Variants in ACOX2 observed in about 807,000 individuals in gnomAD.
ACOX2 encodes the protein peroxisomal acyl-coenzyme A oxidase 2.
In ACOX2, 59 loss-of-function variants were observed where a neutral mutation model predicts 77.5. The ratio of observed to expected loss-of-function variants is 0.76; its 90% confidence interval spans 0.62 to 0.95. The LOEUF (loss-of-function observed/expected upper bound fraction) is 0.95, where lower values mean the gene tolerates loss of function less well. Among genes scored for constraint, ACOX2 ranks in the 40% least tolerant of loss-of-function variants. The pLI is 0.00. For missense variants in ACOX2, 837 were observed against 880.4 expected (o/e 0.95, Z 0.62); for synonymous variants, 317 against 340.1 (o/e 0.93, Z 0.75).
rs755934271 is a variant in ACOX2, at chr3:58,533,960, A to C, written c.475+34T>G. The C allele has an allele frequency of 6.2e-7, 1 of 1,612,202 alleles. No homozygotes were observed. Among genetic ancestry groups the C allele is most frequent in the East Asian group, 2.2e-5 (1 of 44,856 alleles). ...GGCCCTCTGGAGTTTTGCAGTGCAC[A>C]ACCTAAACACCACACGCAGCAGTCC... On this transcript the variant is annotated intron_variant, in intron 4 of 14. Coordinates refer to ENST00000302819, the MANE Select transcript of ACOX2 (RefSeq NM_003500.4). This position sits in a 1 kb window ranked among gnomAD's most constrained non-coding sequence, Gnocchi z 5.6.
intron 13 of ACOX2, among the ~76,000 whole-genome samples, chr3:58,516,530 A>G (rs912420271): frequency 2.0e-5 from 3 of 152,232 alleles, no homozygotes; most frequent in African/African-American, 7.2e-5. Context: ...GGCCTGTCAC[A>G]TAAGTGCTCT....
In ACOX2 at chr3:58,530,494, T is replaced by C. The variant is rs776048382; in HGVS notation, c.964A>G (p.Ile322Val). The change falls in exon 8 of 15, where the codon ATC becomes GTC. Residue 322 changes from isoleucine (I) to valine (V), a missense_variant. Physicochemically the swap from Ile to Val is conservative, Grantham distance 29. Transcript: ENST00000302819. ...ACVIAMRYSVIRRQSRLRPSD... is the reference protein window; with the variant it reads ...ACVIAMRYSVVRRQSRLRPSD... The stretch of plus-strand genomic sequence containing the variant: ...GGCCGGAGCCGGGATTGGCGGCGGA[T>C]GACCGAGTAGCGCATGGCGATGACA... 6.2e-6 allele frequency: 10 copies of C among 1,614,070 alleles called. No individual in the cohort carries two copies. The highest frequency in any genetic ancestry group is 7.6e-6 in the Non-Finnish European group (9 of 1,179,994).
chr3:58,524,504 G>A lies in ACOX2; in HGVS notation c.1448C>T (p.Ala483Val). 6.2e-7 allele frequency: 1 copy of A among 1,614,204 alleles called. No homozygotes were observed. The highest frequency in any genetic ancestry group is 8.5e-7 in the Non-Finnish European group (1 of 1,180,034). Residue 483 changes from alanine to valine, a missense_variant, in exon 11 of 15, where the codon GCC becomes GTC. Physicochemically the swap from Ala to Val is moderately conservative, Grantham distance 64. Coordinates refer to ENST00000302819, the MANE Select transcript of ACOX2 (RefSeq NM_003500.4). This position sits in a 1 kb window ranked among gnomAD's most constrained non-coding sequence, Gnocchi z 5.5. ...GGCTGCCCTCTGGGCTGGACACCTGGCCAGGTCAGGTGCGGTGAGATATGC... is the reference window on the plus strand; with the variant it reads ...GGCTGCCCTCTGGGCTGGACACCTGACCAGGTCAGGTGCGGTGAGATATGC... The part of the protein sequence containing the change: ...SVAYLTAPDL[A>V]RCPAQRAADF...
rs900532936 is a variant in ACOX2, at chr3:58,524,893, A to G, written c.1347-288T>C. 4.6e-5 allele frequency among the ~76,000 whole-genome samples: 7 copies of G among 152,216 alleles called. No homozygotes were observed. Among genetic ancestry groups the G allele is most frequent in the African/African-American group, 1.2e-4 (5 of 41,454 alleles). ...TGAGCAAACAGAATTTTCCATCAGA[A>G]CACTGTGATTTTGGGATTTATAATG... On this transcript the variant is annotated intron_variant, in intron 10 of 14. Coordinates refer to ENST00000302819, the MANE Select transcript of ACOX2 (RefSeq NM_003500.4). The surrounding 1 kb of genome is among the most constrained non-coding windows in gnomAD (Gnocchi z 5.5).
chr3:58,517,617 G>A (rs375084340), intron 12 of ACOX2, among the ~76,000 whole-genome samples, 194 bp from the exon 13 acceptor site: 8 of 149,786 alleles, frequency 5.3e-5, no homozygotes, highest in Non-Finnish European at 1.2e-4. Context: ...GTGTGTTGGG[G>A]GGGGGAGCGG....
At position 58,531,491 on chromosome 3, in the gene ACOX2, G is replaced by A. The variant is rs1487106229; in HGVS notation, c.704-125C>T. The A allele has an allele frequency of 4.1e-6, 5 of 1,234,014 alleles. No individual in the cohort carries two copies. The highest frequency in any genetic ancestry group is 2.1e-4 in the Middle Eastern group (1 of 4,730). The allele number at this position is 1,234,014 out of a possible 1,614,324, so 76.4% of individuals were successfully genotyped here. A position where few individuals can be genotyped will look rare whatever the true frequency, so the allele number is the denominator to read the frequency against. ...TGGGATTATTGTACCTATTTTGCAG[G>A]TGAACAAGCTGAGGTCAGAAAGATG... On this transcript the variant is annotated intron_variant, in intron 6 of 14. Transcript: ENST00000302819. The surrounding 1 kb of genome is among the most constrained non-coding windows in gnomAD (Gnocchi z 5.8).
Position 58,530,508 on chromosome 3 carries a change from A to G in ACOX2, c.950T>C (p.Met317Thr), listed in dbSNP as rs754790768. The G allele has an allele frequency of 4.7e-5, 76 of 1,614,130 alleles. No individual in the cohort carries two copies. Among genetic ancestry groups the G allele is most frequent in the South Asian group, 2.6e-4 (24 of 91,094 alleles). The change falls in exon 8 of 15, where the codon ATG (methionine) becomes ACG (threonine). Residue 317 changes from methionine (M) to threonine (T), a missense_variant. Coordinates refer to ENST00000302819, the MANE Select transcript of ACOX2 (RefSeq NM_003500.4). Reference sequence around the variant, plus strand: ...TTGGCGGCGGATGACCGAGTAGCGCATGGCGATGACACAGGCCTTCTGCAG... The same window carrying G: ...TTGGCGGCGGATGACCGAGTAGCGCGTGGCGATGACACAGGCCTTCTGCAG... ...PILQKACVIA[M>T]RYSVIRRQSR...
Position 58,528,749 on chromosome 3 carries a change from C to G in ACOX2, c.1155+45G>C, listed in dbSNP as rs773858349. The G allele has an allele frequency of 2.6e-6, 4 of 1,560,434 alleles. No individual in the cohort carries two copies. The highest frequency in any genetic ancestry group is 2.6e-6 in the Non-Finnish European group (3 of 1,153,510). On this transcript the variant is annotated intron_variant, in intron 9 of 14. Coordinates refer to ENST00000302819, the MANE Select transcript of ACOX2 (RefSeq NM_003500.4). The surrounding 1 kb of genome is among the most constrained non-coding windows in gnomAD (Gnocchi z 5.6). ...TCCCCAGTGAGTGGAACAATCTTAG[C>G]TCCCAGCGCCTGCCAGCGCCTGCCC...
rs758724684 is a variant in ACOX2, at chr3:58,533,589, G to T, written c.476-37C>A. 6.3e-7 allele frequency: 1 copy of T among 1,599,492 alleles called. No individual in the cohort carries two copies. The highest frequency in any genetic ancestry group is 8.6e-7 in the Non-Finnish European group (1 of 1,167,074). On this transcript the variant is annotated intron_variant, in intron 4 of 14. Transcript: ENST00000302819. This position sits in a 1 kb window ranked among gnomAD's most constrained non-coding sequence, Gnocchi z 5.6. ...GGAGAGGTGTTAGACATTGGCCTGA[G>T]GTGGGGTTCTTACCTGTGAAGCTGC...
At chr3:58,518,111 G>C (rs372259343) in intron 12 of ACOX2, among the ~76,000 whole-genome samples, 2 of 122,398 alleles carry the variant, frequency 1.6e-5, no homozygotes, top group African/African-American at 6.2e-5. Flanking sequence ...GAAAAGAAAA[G>C]AAAATAGCTA....
At chr3:58,511,401 G>A (rs545125226) in intron 13 of ACOX2, 2 of 290,204 alleles carry the variant, frequency 6.9e-6, no homozygotes, top group South Asian at 3.9e-5. Flanking sequence ...GGACATTGAT[G>A]ATGGCACCTC....
At position 58,524,096 on chromosome 3, in the gene ACOX2, A is replaced by G. The variant is rs551568890; in HGVS notation, c.1526+330T>C. Reference sequence around the variant, plus strand: ...TTTATTTATTGGTATTTGCATATCAATACATTTGGAGTATTTACATATGGG... The same window carrying G: ...TTTATTTATTGGTATTTGCATATCAGTACATTTGGAGTATTTACATATGGG... On this transcript the variant is annotated intron_variant, in intron 11 of 14. Coordinates refer to ENST00000302819, the MANE Select transcript of ACOX2 (RefSeq NM_003500.4). This position sits in a 1 kb window ranked among gnomAD's most constrained non-coding sequence, Gnocchi z 5.5. 6.6e-6 allele frequency among the ~76,000 whole-genome samples: 1 copy of G among 152,360 alleles called. No individual in the cohort carries two copies. Among genetic ancestry groups the G allele is most frequent in the African/African-American group, 2.4e-5 (1 of 41,586 alleles).
In ACOX2 at chr3:58,531,707, T is replaced by A; in HGVS notation, c.689A>T (p.His230Leu). 1 of 1,614,036 alleles carries A rather than the reference T, an allele frequency of 6.2e-7. No homozygotes were observed. The highest frequency in any genetic ancestry group is 8.5e-7 in the Non-Finnish European group (1 of 1,179,984). The change falls in exon 6 of 15, where the codon CAC becomes CTC. Residue 230 changes from histidine to leucine, a missense_variant. Physicochemically the swap from His to Leu is moderately conservative, Grantham distance 99. Coordinates refer to ENST00000302819, the MANE Select transcript of ACOX2 (RefSeq NM_003500.4). This position sits in a 1 kb window ranked among gnomAD's most constrained non-coding sequence, Gnocchi z 5.8. ...FIVPIRSLQD[H>L]TPLPGIIIGD... ...TATGGGCTTACCTGGCAGTGGGGTGTGGTCCTGAAGACTCCGGATTGGCAC... is the reference window on the plus strand; with the variant it reads ...TATGGGCTTACCTGGCAGTGGGGTGAGGTCCTGAAGACTCCGGATTGGCAC...
rs981278890 is a variant in ACOX2 at position 58,519,585 on chromosome 3, C to T, written c.1633-2162G>A. On this transcript the variant is annotated intron_variant, in intron 12 of 14. Coordinates refer to ENST00000302819, the MANE Select transcript of ACOX2 (RefSeq NM_003500.4). The surrounding 1 kb of genome is among the most constrained non-coding windows in gnomAD (Gnocchi z 5.0). ...CATGGAGGTTAGGGTGGACTCATAC[C>T]TGGGGCCCAGGTCAGTGAAGGGCTG... Among the ~76,000 whole-genome samples the T allele has an allele frequency of 6.6e-6, 1 of 152,094 alleles. No homozygotes were observed. Among genetic ancestry groups the T allele is most frequent in the Non-Finnish European group, 1.5e-5 (1 of 68,020 alleles).
In ACOX2 at chr3:58,524,567, G is replaced by A. The variant is rs1469171650; in HGVS notation, c.1385C>T (p.Pro462Leu). 6.2e-7 allele frequency: 1 copy of A among 1,614,022 alleles called. No homozygotes were observed. Among genetic ancestry groups the A allele is most frequent in the Non-Finnish European group, 8.5e-7 (1 of 1,180,038 alleles). ...VKSYLQTQMS[P>L]GSTPQRSLSP... ...GAGAGATCTCTGTGGCGTGGAGCCA[G>A]GGGACATCTGAGTCTGCAGGTAGCT... is the stretch of plus-strand genomic sequence containing the variant. Residue 462 changes from proline to leucine, a missense_variant, in exon 11 of 15, where the codon CCT (proline) becomes CTT (leucine). Pro to Leu is a moderately conservative substitution (Grantham distance 98). Transcript: ENST00000302819. This position sits in a 1 kb window ranked among gnomAD's most constrained non-coding sequence, Gnocchi z 5.5.
At position 58,514,003 on chromosome 3, in the gene ACOX2, G is replaced by C. The variant is rs2063305076; in HGVS notation, c.1850+3203C>G. Among the ~76,000 whole-genome samples, 1 of 152,088 alleles carries C rather than the reference G, an allele frequency of 6.6e-6. No homozygotes were observed. Among genetic ancestry groups the C allele is most frequent in the Admixed American group, 6.6e-5 (1 of 15,266 alleles). On this transcript the variant is annotated intron_variant, in intron 13 of 14. Coordinates refer to ENST00000302819, the MANE Select transcript of ACOX2 (RefSeq NM_003500.4). This position sits in a 1 kb window ranked among gnomAD's most constrained non-coding sequence, Gnocchi z 4.3. ...AGGAACCAGTGGGAAAAAAGGTCTG[G>C]GGGAGGGAGGTGTCAGTATTTGGCC... is the stretch of plus-strand genomic sequence containing the variant.
Position 58,522,626 on chromosome 3 carries a change from C to T in ACOX2, c.1527-25G>A. The T allele has an allele frequency of 6.2e-7, 1 of 1,608,422 alleles. No individual in the cohort carries two copies. The highest frequency in any genetic ancestry group is 8.5e-7 in the Non-Finnish European group (1 of 1,174,816). On this transcript the variant is annotated intron_variant, in intron 11 of 14. Transcript: ENST00000302819. The surrounding 1 kb of genome is among the most constrained non-coding windows in gnomAD (Gnocchi z 4.3). ...CCTGAAAGCCAAAGCAAAAAAGGTT[C>T]AGCTTCCTGACTGAGTGGAAAAGAC... is the stretch of plus-strand genomic sequence containing the variant.
rs539301353 is a variant in ACOX2, at chr3:58,514,031, T to C, written c.1850+3175A>G. Among the ~76,000 whole-genome samples, 1 of 152,294 alleles carries C rather than the reference T, an allele frequency of 6.6e-6. No homozygotes were observed. Among genetic ancestry groups the C allele is most frequent in the African/African-American group, 2.4e-5 (1 of 41,544 alleles). On this transcript the variant is annotated intron_variant, in intron 13 of 14. Transcript: ENST00000302819. This position sits in a 1 kb window ranked among gnomAD's most constrained non-coding sequence, Gnocchi z 4.3. ...GAGGGAGGTGTCAGTATTTGGCCTA[T>C]AAAGAACCCTGTGTTTTCTGAAGGG...
rs931614329 is a variant in ACOX2 at position 58,514,210 on chromosome 3, G to A, written c.1850+2996C>T. Among the ~76,000 whole-genome samples, 1 of 152,146 alleles carries A rather than the reference G, an allele frequency of 6.6e-6. No homozygotes were observed. Among genetic ancestry groups the A allele is most frequent in the South Asian group, 2.1e-4 (1 of 4,834 alleles). On this transcript the variant is annotated intron_variant, in intron 13 of 14. Coordinates refer to ENST00000302819, the MANE Select transcript of ACOX2 (RefSeq NM_003500.4). The surrounding 1 kb of genome is among the most constrained non-coding windows in gnomAD (Gnocchi z 4.3). ...AATCCCAGCACTTTGGGAGGCTAAGGTAGGAGGATCCCTTGAGCCCAGGAG... is the reference window on the plus strand; with the variant it reads ...AATCCCAGCACTTTGGGAGGCTAAGATAGGAGGATCCCTTGAGCCCAGGAG...
Sources: allele counts gnomAD v4.1 joint callset (sites outside exome capture counted in the v4.1 genomes callset), GRCh38; gene constraint gnomAD v4.1.1; non-coding constraint Gnocchi (gnomAD v3.1); transcripts MANE v1.5; gene names NCBI Gene and HGNC (gene_info 2026-07-23, HGNC 2026-07-21).